WDR70: variants seen among roughly 807,000 people sequenced by gnomAD.
WDR70 encodes WD repeat domain 70, also known as WD repeat-containing protein 70.
A neutral mutation model predicts 88.6 loss-of-function variants in WDR70; 53 were observed. That is an observed-to-expected ratio of 0.60 (90% CI 0.48 to 0.75). The LOEUF (loss-of-function observed/expected upper bound fraction) is 0.75, where lower values mean the gene tolerates loss of function less well. WDR70 is among the 30% of genes least tolerant of loss of function. The pLI is 0.00. For synonymous variants in WDR70, 280 were observed against 270.0 expected, an observed-to-expected ratio of 1.04 and a Z score of -0.36; for missense variants, 610 against 823.2, an observed-to-expected ratio of 0.74 and a Z score of 3.17.
At chr5:37,685,883 C>G (rs1447107738) in intron 10 of WDR70, among the ~76,000 whole-genome samples, 1 of 152,124 alleles carries the variant, frequency 6.6e-6, no homozygotes, top group Non-Finnish European at 1.5e-5. Flanking sequence ...TGTGCTCTAA[C>G]CCCACACAAG....
intron 9 of WDR70, among the ~76,000 whole-genome samples, chr5:37,519,762 ACTGATTTC>A (rs2112270356): frequency 6.6e-6 from 1 of 152,324 alleles, no homozygotes; most frequent in African/African-American, 2.4e-5. Context: ...TTTTCGATTT[ACTGATTTC>A]CTTTGTTTTG....
intron 10 of WDR70, among the ~76,000 whole-genome samples, chr5:37,661,078 C>T (rs1470995863): frequency 6.6e-6 from 1 of 152,222 alleles, no homozygotes; most frequent in African/African-American, 2.4e-5. Flanking sequence ...ACAGGAAGTC[C>T]TGTAGCCAAT....
intron 7 of WDR70, among the ~76,000 whole-genome samples, chr5:37,471,517 C>T (rs1265908575): frequency 1.3e-5 from 2 of 150,780 alleles, no homozygotes; most frequent in Non-Finnish European, 2.9e-5. Context: ...TAGGGACTTT[C>T]GTTGGTTAAA....
chr5:37,538,810 A>T (rs1741736371), intron 9 of WDR70, among the ~76,000 whole-genome samples: 1 of 152,232 alleles, frequency 6.6e-6, no homozygotes, highest in Non-Finnish European at 1.5e-5. Flanking sequence ...TTGGAAGTAA[A>T]TGTTAATGAA....
intron 10 of WDR70, among the ~76,000 whole-genome samples, chr5:37,671,771 C>T (rs1206132970): frequency 6.6e-6 from 1 of 152,070 alleles, no homozygotes; most frequent in African/African-American, 2.4e-5. Context: ...ACTTTTGGTA[C>T]CACTGTAAAA....
At chr5:37,647,609 A>T (rs1056302709) in intron 10 of WDR70, among the ~76,000 whole-genome samples, 11 of 152,316 alleles carry the variant, frequency 7.2e-5, no homozygotes, top group Middle Eastern at 3.4e-3. Flanking sequence ...CAAACCCTGT[A>T]ATGTGGTGGC....
chr5:37,685,205 T>A (rs1746545575), intron 10 of WDR70, among the ~76,000 whole-genome samples: 2 of 151,672 alleles, frequency 1.3e-5, no homozygotes, highest in South Asian at 2.1e-4. Context: ...GGTGAGGAGG[T>A]GGTGTGCGCT....
At chr5:37,663,543 A>AT (rs1468376775) in intron 10 of WDR70, among the ~76,000 whole-genome samples, 8 of 151,902 alleles carry the variant, frequency 5.3e-5, no homozygotes, top group African/African-American at 1.5e-4. Context: ...CTTTTTTTCT[A>AT]TGTCCAGTTA....
intron 8 of WDR70, among the ~76,000 whole-genome samples, chr5:37,491,733 C>T (rs1053220508): frequency 1.3e-5 from 2 of 152,074 alleles, no homozygotes; most frequent in Non-Finnish European, 2.9e-5. Flanking sequence ...AATACTTTCT[C>T]TTAAGAACTT....
At chr5:37,646,631 C>A (rs1390997658) in intron 10 of WDR70, among the ~76,000 whole-genome samples, 2 of 152,104 alleles carry the variant, frequency 1.3e-5, no homozygotes, top group African/African-American at 4.8e-5. Flanking sequence ...TTTTCACTGT[C>A]CATACTATTC....
At chr5:37,414,683 G>A (rs1749639774) in intron 5 of WDR70, among the ~76,000 whole-genome samples, 1 of 148,496 alleles carries the variant, frequency 6.7e-6, no homozygotes, top group Non-Finnish European at 1.5e-5. Context: ...AGAAATATTA[G>A]TTGAATGAAT....
intron 11 of WDR70, 131 bp from the exon 12 acceptor site, chr5:37,700,923 TTCTC>T (rs1747141098): frequency 5.2e-6 from 3 of 571,486 alleles, no homozygotes; most frequent in Non-Finnish European, 6.2e-6. Context: ...CCTTTCTTTC[TTCTC>T]TCTTTCTCCC....
chr5:37,482,187 C>G (rs1360339816), intron 8 of WDR70, among the ~76,000 whole-genome samples: 1 of 152,194 alleles, frequency 6.6e-6, no homozygotes, highest in Non-Finnish European at 1.5e-5. Context: ...CTGTTCCAGC[C>G]TCTCCCTGTT....
chr5:37,572,398 A>G (rs1742932744), intron 9 of WDR70, among the ~76,000 whole-genome samples: 1 of 151,920 alleles, frequency 6.6e-6, no homozygotes, highest in South Asian at 2.1e-4. Flanking sequence ...AGTTCTGCTT[A>G]GTTCATTGAG....
At chr5:37,538,793 AT>A (rs1341083746) in intron 9 of WDR70, among the ~76,000 whole-genome samples, 4 of 152,186 alleles carry the variant, frequency 2.6e-5, no homozygotes, top group African/African-American at 9.7e-5. Context: ...AACTTACTAC[AT>A]TTTACTTGGA....
intron 10 of WDR70, among the ~76,000 whole-genome samples, chr5:37,649,733 CTTTTTTTTTTTT>C (rs70978834): frequency 2.9e-5 from 2 of 68,738 alleles, no homozygotes; most frequent in African/African-American, 1.3e-4. Flanking sequence ...GTTATTACTT[CTTTTTTTTTTTT>C]TTTTTTTTTT....
intron 10 of WDR70, among the ~76,000 whole-genome samples, chr5:37,669,560 A>T (rs1745961949): frequency 6.6e-6 from 1 of 152,094 alleles, no homozygotes; most frequent in African/African-American, 2.4e-5. Context: ...TTCTCCTCTT[A>T]CCACCTGTGT....
intron 9 of WDR70, among the ~76,000 whole-genome samples, chr5:37,599,560 C>T: frequency 6.6e-6 from 1 of 152,142 alleles, no homozygotes; most frequent in East Asian, 1.9e-4. Flanking sequence ...GTCCTTTCAA[C>T]AAATGATGCT....
intron 8 of WDR70, among the ~76,000 whole-genome samples, chr5:37,487,773 G>A (rs574917086): frequency 2.6e-5 from 4 of 151,204 alleles, no homozygotes; most frequent in South Asian, 2.1e-4. Context: ...CTACAGGTAC[G>A]TACCACCACA....
Sources: allele counts gnomAD v4.1 joint callset (sites outside exome capture counted in the v4.1 genomes callset), GRCh38; gene constraint gnomAD v4.1.1; transcripts MANE v1.5; gene names NCBI Gene and HGNC (gene_info 2026-07-23, HGNC 2026-07-21).